ADA2: variants seen among roughly 807,000 people sequenced by gnomAD.
ADA2 encodes the protein adenosine deaminase CECR1.
A neutral mutation model predicts 44.2 loss-of-function variants in ADA2; 29 were observed. The ratio of observed to expected loss-of-function variants is 0.66; its 90% CI spans 0.49 to 0.89. The LOEUF (loss-of-function observed/expected upper bound fraction) is 0.89, where lower values mean the gene tolerates loss of function less well. Among genes scored for constraint, ADA2 ranks in the 40% least tolerant of loss-of-function variants. ADA2 has a pLI of 0.00. For synonymous variants in ADA2, 215 were observed against 234.9 expected, an observed-to-expected ratio of 0.92 and a Z score of 0.77; for missense variants, 637 against 644.8, an observed-to-expected ratio of 0.99 and a Z score of 0.13.
intron 1 of ADA2, among the ~76,000 whole-genome samples, chr22:17,213,019 G>T (rs2062434049): frequency 6.7e-6 from 1 of 150,210 alleles, no homozygotes; most frequent in Non-Finnish European, 1.5e-5. Flanking sequence ...CAAACTCCTG[G>T]GCTCAAGCGA....
chr22:17,183,365 G>T (rs898372787), intron 7 of ADA2, among the ~76,000 whole-genome samples: 2 of 151,762 alleles, frequency 1.3e-5, no homozygotes, highest in Non-Finnish European at 2.9e-5. Flanking sequence ...TTACAGGCGT[G>T]AGCCGCCGCA....
intron 4 of ADA2, among the ~76,000 whole-genome samples, chr22:17,199,162 C>A (rs1255170079): frequency 6.6e-6 from 1 of 152,060 alleles, no homozygotes; most frequent in African/African-American, 2.4e-5. Flanking sequence ...CAGCCCAGCA[C>A]CTTCTCCAAA....
chr22:17,193,294 A>C, intron 4 of ADA2: 1 of 649,786 alleles, frequency 1.5e-6, no homozygotes, highest in Non-Finnish European at 2.8e-6. Context: ...CAGGCTGCGC[A>C]GCAAAGAAAA....
In ADA2 at chr22:17,203,684, A is replaced by T. The variant is rs373928007; in HGVS notation, c.632T>A (p.Phe211Tyr). 4.8e-5 allele frequency: 77 copies of T among 1,613,956 alleles called. No individual in the cohort carries two copies. The highest frequency in any genetic ancestry group is 4.3e-5 in the Non-Finnish European group (51 of 1,179,924). ...ATGGATGAGACCAGAGATGGTGAAG[A>T]AGATGGTTTCAAATTTCGACCAGAC... ...NVVWSKFETI[F>Y]FTISGLIHYA... The change falls in exon 4 of 10, where the codon TTC (phenylalanine) becomes TAC (tyrosine). Residue 211 changes from phenylalanine to tyrosine, a missense_variant. Physicochemically the swap from Phe to Tyr is conservative, Grantham distance 22. Transcript: ENST00000399837.
chr22:17,202,350 G>C (rs1288794693), intron 4 of ADA2, among the ~76,000 whole-genome samples: 7 of 151,796 alleles, frequency 4.6e-5, no homozygotes, highest in African/African-American at 1.7e-4. Flanking sequence ...GGATGGTCTC[G>C]ATCTCGACCT....
chr22:17,182,870 C>A, intron 7 of ADA2, 109 bp from the exon 8 acceptor site: 1 of 1,082,952 alleles, frequency 9.2e-7, no homozygotes. Context: ...ATAAACAGCC[C>A]CCCAAGCACA....
intron 4 of ADA2, among the ~76,000 whole-genome samples, chr22:17,203,201 C>T (rs2062311622): frequency 6.6e-6 from 1 of 152,200 alleles, no homozygotes; most frequent in African/African-American, 2.4e-5. Context: ...CTCTTGCCCT[C>T]ACCCTGCCAT....
At chr22:17,181,669 C>T (rs1296753878) in intron 9 of ADA2, 93 bp from the exon 10 acceptor site, 3 of 1,101,414 alleles carry the variant, frequency 2.7e-6, no homozygotes, top group Non-Finnish European at 4.2e-6. Flanking sequence ...TTGCAGAGCA[C>T]TCTCCCCAGG....
intron 4 of ADA2, 133 bp downstream of exon 4, chr22:17,203,430 T>C (rs969790344): frequency 1.4e-6 from 1 of 704,278 alleles, no homozygotes; most frequent in Non-Finnish European, 2.5e-6. Flanking sequence ...TGTTGGCCCC[T>C]GGAAAGGCAC....
At chr22:17,188,696 A>T (rs541791856) in intron 6 of ADA2, 22 of 266,372 alleles carry the variant, frequency 8.3e-5, no homozygotes, top group Middle Eastern at 1.3e-3. Context: ...TGGCTAACAC[A>T]GTGAAACCCC....
chr22:17,191,581 C>T, intron 5 of ADA2, 102 bp downstream of exon 5: 1 of 1,313,990 alleles, frequency 7.6e-7, no homozygotes, highest in South Asian at 1.3e-5. Flanking sequence ...TGGGCCTCTC[C>T]CGGCCTCCCA....
At chr22:17,219,013 C>T (rs1300492279) in intron 1 of ADA2, among the ~76,000 whole-genome samples, 9 of 152,084 alleles carry the variant, frequency 5.9e-5, no homozygotes, top group African/African-American at 1.4e-4. Context: ...AAAAATTAGC[C>T]GGGCGTGGTG....
chr22:17,187,492 G>A (rs1373191043), intron 7 of ADA2, among the ~76,000 whole-genome samples: 1 of 151,852 alleles, frequency 6.6e-6, no homozygotes, highest in Non-Finnish European at 1.5e-5. Flanking sequence ...GTTTTGCCAT[G>A]TTGCCCTGGC....
rs142240318 is a variant in ADA2, at chr22:17,213,694, G to A, written c.-46-3971C>T. The A allele has an allele frequency of 1.4e-3, 337 of 245,570 alleles. 1 individual carries two copies. The highest frequency in any genetic ancestry group is 7.5e-3 in the African/African-American group (320 of 42,836). The allele number at this position is 245,570 out of a possible 1,614,324, so 15.2% of individuals were successfully genotyped here. A position where few individuals can be genotyped will look rare whatever the true frequency, so the allele number is the denominator to read the frequency against. On this transcript the variant is annotated intron_variant, in intron 1 of 9. Transcript: ENST00000399837. Reference sequence around the variant, plus strand: ...GGCCTGGACAAGTGGACCCCGGCCCGCGCAGCCTTTGAGAAAATGCAGGAG... The same window carrying A: ...GGCCTGGACAAGTGGACCCCGGCCCACGCAGCCTTTGAGAAAATGCAGGAG...
chr22:17,199,786 TA>T (rs1477196652), intron 4 of ADA2: 2 of 1,416,754 alleles, frequency 1.4e-6, no homozygotes, highest in African/African-American at 2.9e-5. Context: ...TCGACATCAA[TA>T]AGATGAATTA....
intron 1 of ADA2, among the ~76,000 whole-genome samples, chr22:17,216,377 G>GAA (rs1209062000): frequency 4.2e-5 from 6 of 142,990 alleles, no homozygotes; most frequent in Admixed American, 7.0e-5. Flanking sequence ...CCACTCCCAG[G>GAA]AAAAAAAAAA....
At position 17,188,352 on chromosome 22, in the gene ADA2, G is replaced by A. The variant is rs199557749; in HGVS notation, c.1068C>T (p.His356=). Residue 356 remains histidine (H), a synonymous_variant, in exon 7 of 10, where the codon CAC becomes CAT. Coordinates refer to ENST00000399837, the MANE Select transcript of ADA2 (RefSeq NM_001282225.2). ...KDGVKLPYFF[H]AGETDWQGTS... The stretch of plus-strand genomic sequence containing the variant: ...CCGCAGGCTCACCTGTTTCTCCGGC[G>A]TGGAAGAAGTAAGGCAGCTTAACGC... 3.4e-5 allele frequency: 55 copies of A among 1,613,470 alleles called. No individual in the cohort carries two copies. Among genetic ancestry groups the A allele is most frequent in the Admixed American group, 1.0e-4 (6 of 60,022 alleles).
rs768002473 is a variant in ADA2, at chr22:17,190,042, AG to A, written c.882-11del. ...AGCCACATCTTTGGATCTGTGAGAC[AG>A]ACAGAGAAGCCAGGAGACAGTGCCC... is the stretch of plus-strand genomic sequence containing the variant. On this transcript the variant is annotated splice_polypyrimidine_tract_variant and intron_variant, in intron 5 of 9. Transcript: ENST00000399837. The A allele has an allele frequency of 5.8e-4, 923 of 1,602,758 alleles. No homozygotes were observed. Among genetic ancestry groups the A allele is most frequent in the Non-Finnish European group, 7.4e-4 (871 of 1,169,722 alleles).
chr22:17,189,758 T>C (rs1206325902), intron 6 of ADA2, 184 bp downstream of exon 6: 2 of 565,586 alleles, frequency 3.5e-6, no homozygotes, highest in Non-Finnish European at 6.4e-6. Context: ...CCTGTAGGCC[T>C]CTGAAGAGGG....
Sources: gnomAD v4.1 joint callset for allele counts (sites outside exome capture counted in the v4.1 genomes callset) on GRCh38, gnomAD v4.1.1 for gene constraint, MANE v1.5 for transcripts, NCBI Gene and HGNC (gene_info 2026-07-23, HGNC 2026-07-21) for gene names.